XRCC5: variants seen among roughly 807,000 people sequenced by gnomAD.
XRCC5 encodes the protein DNA repair protein Ku80.
Under a neutral mutation model 95.7 loss-of-function variants are expected in XRCC5, and 12 were observed. That is an observed-to-expected ratio of 0.13 (90% CI 0.08 to 0.20). The LOEUF (loss-of-function observed/expected upper bound fraction) is 0.20, where lower values mean the gene tolerates loss of function less well. Ranked by LOEUF, XRCC5 falls within the 10% of genes least tolerant of loss-of-function variation. The pLI, the probability that XRCC5 is intolerant of heterozygous loss-of-function variation, is 1.00. For synonymous variants in XRCC5, 281 were observed against 290.3 expected (o/e 0.97, Z 0.33); for missense variants, 595 against 873.9 (o/e 0.68, Z 4.02).
At chr2:216,168,869 T>A (rs1348341254) in intron 16 of XRCC5, among the ~76,000 whole-genome samples, 1 of 152,248 alleles carries the variant, frequency 6.6e-6, no homozygotes, top group Non-Finnish European at 1.5e-5. Context: ...TTGGAGGAGA[T>A]ACATTTTCCC....
Position 216,190,774 on chromosome 2 carries a change from CTGACAA to C in XRCC5, c.1944+442_1944+447del, listed in dbSNP as rs1689600623. On this transcript the variant is annotated intron_variant, in intron 17 of 20. Transcript: ENST00000392132. ...TCTAAATGTCAGAAAAAAAAGAACA[CTGACAA>C]TAAGTTCCTCCCATGCCTTTTGTGT... Among the ~76,000 whole-genome samples, 7 of 152,332 alleles carry C rather than the reference CTGACAA, an allele frequency of 4.6e-5. No homozygotes were observed. In the South Asian group the frequency reaches 1.4e-3, roughly 32 times the overall value.
intron 19 of XRCC5, among the ~76,000 whole-genome samples, chr2:216,202,884 A>G (rs959329550): frequency 1.3e-5 from 2 of 152,220 alleles, no homozygotes; most frequent in Non-Finnish European, 2.9e-5. Flanking sequence ...GTGTTTTTGT[A>G]TATGAGGACT....
chr2:216,148,586 A>C (rs974494382), intron 14 of XRCC5, among the ~76,000 whole-genome samples: 2 of 152,206 alleles, frequency 1.3e-5, no homozygotes, highest in Non-Finnish European at 2.9e-5. Context: ...TCTAAGGCTA[A>C]ATGTCACCCT....
chr2:216,124,045 T>A (rs1696865701), intron 6 of XRCC5, among the ~76,000 whole-genome samples: 1 of 152,224 alleles, frequency 6.6e-6, no homozygotes, highest in African/African-American at 2.4e-5. Flanking sequence ...TAAAATTAAA[T>A]ACATTTTAAA....
chr2:216,122,738 G>T (rs1406627467), intron 6 of XRCC5, among the ~76,000 whole-genome samples: 1 of 149,016 alleles, frequency 6.7e-6, no homozygotes. Context: ...TGATCACAAA[G>T]CAGTTTGATT....
intron 17 of XRCC5, among the ~76,000 whole-genome samples, chr2:216,190,778 C>T (rs977520895): frequency 1.3e-5 from 2 of 152,142 alleles, no homozygotes; most frequent in Non-Finnish European, 2.9e-5. Flanking sequence ...AGAACACTGA[C>T]AATAAGTTCC....
intron 5 of XRCC5, among the ~76,000 whole-genome samples, 192 bp downstream of exon 5, chr2:216,119,357 C>T (rs531770566): frequency 1.2e-4 from 18 of 152,134 alleles, no homozygotes; most frequent in Admixed American, 3.9e-4. Flanking sequence ...TCTGAGTGGT[C>T]GTGACAAAAA....
chr2:216,143,210 T>C (rs1697199084), intron 13 of XRCC5, among the ~76,000 whole-genome samples: 1 of 152,158 alleles, frequency 6.6e-6, no homozygotes. Flanking sequence ...AGTGGAAAAA[T>C]TGTAAATTGA....
chr2:216,152,009 AACT>A (rs1004873354), intron 14 of XRCC5, among the ~76,000 whole-genome samples: 3 of 152,292 alleles, frequency 2.0e-5, no homozygotes, highest in African/African-American at 7.2e-5. Context: ...GCACAGAAGA[AACT>A]ACCTTATATA....
chr2:216,134,438 T>C (rs1697040407), intron 10 of XRCC5, among the ~76,000 whole-genome samples: 2 of 151,778 alleles, frequency 1.3e-5, no homozygotes, highest in Admixed American at 6.6e-5. Context: ...TTTGTTTTTT[T>C]TTTTTGAGAC....
chr2:216,111,203 A>G (rs947569206), intron 1 of XRCC5, among the ~76,000 whole-genome samples: 1 of 152,130 alleles, frequency 6.6e-6, no homozygotes, highest in African/African-American at 2.4e-5. Flanking sequence ...TGGCAGACCA[A>G]TCCTTTTATA....
At chr2:216,195,887 A>AGC (rs1167895088) in intron 19 of XRCC5, among the ~76,000 whole-genome samples, 2 of 152,224 alleles carry the variant, frequency 1.3e-5, no homozygotes, top group Admixed American at 6.5e-5. Flanking sequence ...AGCTTCTGCG[A>AGC]TATGCTAGGC....
chr2:216,170,454 A>AT (rs1490426542), intron 16 of XRCC5, among the ~76,000 whole-genome samples: 1 of 152,010 alleles, frequency 6.6e-6, no homozygotes, highest in Non-Finnish European at 1.5e-5. Context: ...TTTACTTAAT[A>AT]TACTAAATCA....
intron 13 of XRCC5, among the ~76,000 whole-genome samples, chr2:216,141,566 T>C (rs1697172551): frequency 3.7e-5 from 2 of 53,802 alleles, no homozygotes; most frequent in South Asian, 1.6e-3. Flanking sequence ...TTTTTTTTTT[T>C]CCTGGAAGAA....
chr2:216,134,455 T>C (rs374809970), intron 10 of XRCC5, among the ~76,000 whole-genome samples: 1 of 151,474 alleles, frequency 6.6e-6, no homozygotes, highest in Non-Finnish European at 1.5e-5. Flanking sequence ...AGACGGAGTT[T>C]GGCTTTTTGT....
At chr2:216,157,950 T>G (rs1688878062) in intron 14 of XRCC5, among the ~76,000 whole-genome samples, 1 of 152,228 alleles carries the variant, frequency 6.6e-6, no homozygotes, top group South Asian at 2.1e-4. Context: ...ATTTAGTGTA[T>G]GCAAAATTCC....
chr2:216,170,530 T>G (rs571895062), intron 16 of XRCC5, among the ~76,000 whole-genome samples: 1 of 151,968 alleles, frequency 6.6e-6, no homozygotes, highest in Non-Finnish European at 1.5e-5. Context: ...CCATGAGATA[T>G]CAAAAGAACT....
rs181765806 is a variant in XRCC5, at chr2:216,167,656, A to T, written c.1834+5608A>T. ...CCTGATTCATGTAATCTTGGGTATG[A>T]ATTATATAATGAATTATACTCTGCC... On this transcript the variant is annotated intron_variant, in intron 16 of 20. Transcript: ENST00000392132. Among the ~76,000 whole-genome samples the T allele has an allele frequency of 2.3e-3, 343 of 149,678 alleles. 1 individual carries two copies. Among genetic ancestry groups the T allele is most frequent in the African/African-American group, 8.1e-3 (329 of 40,806 alleles).
chr2:216,122,485 C>T (rs1696827854), intron 6 of XRCC5, among the ~76,000 whole-genome samples: 1 of 151,970 alleles, frequency 6.6e-6, no homozygotes, highest in Non-Finnish European at 1.5e-5. Flanking sequence ...CAGTGAAGTT[C>T]AGGAATATAT....
Sources: allele counts gnomAD v4.1 joint callset (sites outside exome capture counted in the v4.1 genomes callset), GRCh38; gene constraint gnomAD v4.1.1; transcripts MANE v1.5; gene names NCBI Gene and HGNC (gene_info 2026-07-23, HGNC 2026-07-21).